Variants in PCDHB12 observed in about 807,000 individuals in gnomAD.
The protein encoded by PCDHB12 is protocadherin beta-12.
For missense variants in PCDHB12, 1,192 were observed against 998.2 expected, an observed-to-expected ratio of 1.19 and a Z score of -2.62; for synonymous variants, 560 against 445.2, an observed-to-expected ratio of 1.26 and a Z score of -3.24.
rs1754451450 is a variant in PCDHB12, at chr5:141,211,134, G to A, written c.2227G>A (p.Gly743Arg). The A allele has an allele frequency of 2.5e-6, 4 of 1,614,162 alleles. No homozygotes were observed. Among genetic ancestry groups the A allele is most frequent in the Non-Finnish European group, 3.4e-6 (4 of 1,180,040 alleles). ...PGHLVDVSGT[G>R]TLSQSYHYEV... ...ACATCTGGTGGACGTGAGTGGCACC[G>A]GGACCCTGTCCCAGAGCTACCACTA... The change falls in exon 1 of 1, where the codon GGG becomes AGG. Residue 743 changes from glycine to arginine, a missense_variant. By Grantham distance (125) the Gly-to-Arg change is moderately radical. Coordinates refer to ENST00000239450, the MANE Select transcript of PCDHB12 (RefSeq NM_018932.4).
chr5:141,210,537 G>A lies in PCDHB12; in HGVS notation c.1630G>A (p.Glu544Lys). ...CCACGGCTCCCCGGCTTTGAGCAGC[G>A]AGGCGCTGGTGCGCGTGCTGGTGCT... ...TDHGSPALSS[E>K]ALVRVLVLDA... The change falls in exon 1 of 1, where the codon GAG becomes AAG. Residue 544 changes from glutamate (E) to lysine (K), a missense_variant. Glu to Lys is a moderately conservative substitution (Grantham distance 56, BLOSUM62 1). Transcript: ENST00000239450. 1.9e-6 allele frequency: 3 copies of A among 1,611,980 alleles called. No individual in the cohort carries two copies. The highest frequency in any genetic ancestry group is 2.5e-6 in the Non-Finnish European group (3 of 1,179,782).
chr5:141,210,398 C>T lies in PCDHB12; in HGVS notation c.1491C>T (p.His497=). The change falls in exon 1 of 1, where the codon CAC becomes CAT. Residue 497 remains histidine (H), a synonymous_variant. Transcript: ENST00000239450. ...CGCTGCTGCCGTCCCAGGACCCGCA[C>T]CTGCCCCTCGCCTCCCTGGTCTCCA... ...NYSLLPSQDP[H]LPLASLVSIN... 1 of 1,613,100 alleles carries T rather than the reference C, an allele frequency of 6.2e-7. No individual in the cohort carries two copies. Among genetic ancestry groups the T allele is most frequent in the Non-Finnish European group, 8.5e-7 (1 of 1,180,028 alleles).
At position 141,209,994 on chromosome 5, in the gene PCDHB12, A is replaced by G. The variant is rs1372048120; in HGVS notation, c.1087A>G (p.Thr363Ala). The part of the protein sequence containing the change: ...TSPIPENTPE[T>A]VVMVFRIRDR... The stretch of plus-strand genomic sequence containing the variant: ...TCCAATCCCAGAAAACACTCCAGAG[A>G]CTGTGGTTATGGTTTTCAGGATACG... The change falls in exon 1 of 1, where the codon ACT becomes GCT. Residue 363 changes from threonine to alanine, a missense_variant. Physicochemically the swap from Thr to Ala is moderately conservative, Grantham distance 58. Transcript: ENST00000239450. 4 of 1,614,030 alleles carry G rather than the reference A, an allele frequency of 2.5e-6. No homozygotes were observed. Among genetic ancestry groups the G allele is most frequent in the Non-Finnish European group, 2.5e-6 (3 of 1,180,030 alleles).
Position 141,210,716 on chromosome 5 carries a change from G to C in PCDHB12, c.1809G>C (p.Ser603=). The C allele has an allele frequency of 6.2e-7, 1 of 1,608,866 alleles. No individual in the cohort carries two copies. The highest frequency in any genetic ancestry group is 8.5e-7 in the Non-Finnish European group (1 of 1,179,570). The change falls in exon 1 of 1, where the codon TCG becomes TCC. Residue 603 remains serine, a synonymous_variant. Transcript: ENST00000239450. ...ACTCGGGCCAGAACGCCTGGCTGTC[G>C]TACCAGCTGCTCAAGGCCACGGAGC... is the stretch of plus-strand genomic sequence containing the variant. ...DGDSGQNAWL[S]YQLLKATEPG... is the part of the protein sequence containing the mutation.
Position 141,210,375 on chromosome 5 carries a change from C to T in PCDHB12, c.1468C>T (p.Leu490=), listed in dbSNP as rs1554286929. Residue 490 remains leucine (L), a synonymous_variant, in exon 1 of 1, where the codon CTG becomes TTG. Transcript: ENST00000239450. ...SGTNAQVNYS[L]LPSQDPHLPL... Reference sequence around the variant, plus strand: ...CACCAACGCCCAGGTCAACTACTCGCTGCTGCCGTCCCAGGACCCGCACCT... The same window carrying T: ...CACCAACGCCCAGGTCAACTACTCGTTGCTGCCGTCCCAGGACCCGCACCT... The T allele has an allele frequency of 5.6e-6, 9 of 1,612,920 alleles. No homozygotes were observed. The highest frequency in any genetic ancestry group is 6.8e-6 in the Non-Finnish European group (8 of 1,180,040).
At position 141,210,616 on chromosome 5, in the gene PCDHB12, C is replaced by A; in HGVS notation, c.1709C>A (p.Ala570Glu). 6.2e-7 allele frequency: 1 copy of A among 1,611,328 alleles called. No homozygotes were observed. The change falls in exon 1 of 1, where the codon GCG becomes GAG. Residue 570 changes from alanine to glutamate, a missense_variant. Ala to Glu is a moderately radical substitution (Grantham distance 107). Transcript: ENST00000239450. ...FVLYPLQNGSAPCTELVPWAA... is the reference protein window; with the variant it reads ...FVLYPLQNGSEPCTELVPWAA... ...CTGTACCCGCTGCAGAACGGCTCCG[C>A]GCCCTGCACCGAGCTGGTGCCCTGG...
Position 141,209,310 on chromosome 5 carries a change from G to A in PCDHB12, c.403G>A (p.Glu135Lys). Residue 135 changes from glutamate (E) to lysine (K), a missense_variant, in exon 1 of 1, where the codon GAA becomes AAA. By Grantham distance (56) the Glu-to-Lys change is moderately conservative (BLOSUM62 1). Coordinates refer to ENST00000239450, the MANE Select transcript of PCDHB12 (RefSeq NM_018932.4). ...DINDHSPVFL[E>K]KEMLLEIPEN... is the part of the protein sequence containing the mutation. ...AAATGATCACTCTCCCGTCTTCTTG[G>A]AAAAAGAAATGCTCTTAGAAATCCC... 1 of 1,614,174 alleles carries A rather than the reference G, an allele frequency of 6.2e-7. No individual in the cohort carries two copies. The highest frequency in any genetic ancestry group is 1.6e-4 in the Middle Eastern group (1 of 6,062).
rs781916703 is a variant in PCDHB12 at position 141,210,795 on chromosome 5, C to T, written c.1888C>T (p.Leu630=). Residue 630 remains leucine (L), a synonymous_variant, in exon 1 of 1, where the codon CTG becomes TTG. Coordinates refer to ENST00000239450, the MANE Select transcript of PCDHB12 (RefSeq NM_018932.4). The stretch of plus-strand genomic sequence containing the variant: ...TGGCGAGGTGCGCACCGCCAGGCTG[C>T]TGAGCGAGCGCGACGCGGCCAAGCA... ...HNGEVRTARL[L]SERDAAKHRL... 5.0e-6 allele frequency: 8 copies of T among 1,600,000 alleles called. No individual in the cohort carries two copies. Among genetic ancestry groups the T allele is most frequent in the Non-Finnish European group, 6.8e-6 (8 of 1,178,190 alleles).
chr5:141,210,992 C>T lies in PCDHB12; in HGVS notation c.2085C>T (p.Ala695=), dbSNP rs1554287103. The T allele has an allele frequency of 1.9e-6, 3 of 1,611,708 alleles. No individual in the cohort carries two copies. The highest frequency in any genetic ancestry group is 2.5e-6 in the Non-Finnish European group (3 of 1,179,840). Residue 695 remains alanine (A), a synonymous_variant, in exon 1 of 1, where the codon GCC becomes GCT. Coordinates refer to ENST00000239450, the MANE Select transcript of PCDHB12 (RefSeq NM_018932.4). The part of the protein sequence containing the change: ...SLTVYLVVAL[A]SVSSLFLFSV... ...CTGTCTACCTGGTGGTGGCGTTGGC[C>T]TCAGTGTCGTCGCTCTTCCTCTTCT...
rs148202292 is a variant in PCDHB12 at position 141,210,997 on chromosome 5, T to C, written c.2090T>C (p.Val697Ala). The C allele has an allele frequency of 1.5e-5, 24 of 1,611,430 alleles. No individual in the cohort carries two copies. In the African/African-American group the frequency reaches 2.9e-4, roughly 20 times the overall value. ...TVYLVVALAS[V>A]SSLFLFSVLL... The stretch of plus-strand genomic sequence containing the variant: ...TACCTGGTGGTGGCGTTGGCCTCAG[T>C]GTCGTCGCTCTTCCTCTTCTCGGTG... Residue 697 changes from valine to alanine, a missense_variant, in exon 1 of 1, where the codon GTG (valine) becomes GCG (alanine). Val to Ala is a moderately conservative substitution (Grantham distance 64, BLOSUM62 0). Coordinates refer to ENST00000239450, the MANE Select transcript of PCDHB12 (RefSeq NM_018932.4).
chr5:141,209,015 G>A lies in PCDHB12; in HGVS notation c.108G>A (p.Met36Ile). 6.2e-7 allele frequency: 1 copy of A among 1,608,476 alleles called. No individual in the cohort carries two copies. The highest frequency in any genetic ancestry group is 8.5e-7 in the Non-Finnish European group (1 of 1,177,814). ...AGSETGNFLV[M>I]EELQSGSFVG... ...CTGAAACTGGGAACTTTTTGGTGAT[G>A]GAGGAATTGCAGAGCGGGAGCTTTG... The change falls in exon 1 of 1, where the codon ATG (methionine) becomes ATA (isoleucine). Residue 36 changes from methionine (M) to isoleucine (I), a missense_variant. Coordinates refer to ENST00000239450, the MANE Select transcript of PCDHB12 (RefSeq NM_018932.4).
In PCDHB12 at chr5:141,211,111, A is replaced by C. The variant is rs782092570; in HGVS notation, c.2204A>C (p.His735Pro). Residue 735 changes from histidine (H) to proline (P), a missense_variant, in exon 1 of 1, where the codon CAT becomes CCT. By Grantham distance (77) the His-to-Pro change is moderately conservative. Coordinates refer to ENST00000239450, the MANE Select transcript of PCDHB12 (RefSeq NM_018932.4). Reference protein sequence around the residue: ...CSVPEGPFPGHLVDVSGTGTL... With the variant: ...CSVPEGPFPGPLVDVSGTGTL... ...GTGCCTGAGGGCCCCTTTCCAGGAC[A>C]TCTGGTGGACGTGAGTGGCACCGGG... 1.9e-6 allele frequency: 3 copies of C among 1,614,034 alleles called. No homozygotes were observed. Among genetic ancestry groups the C allele is most frequent in the Non-Finnish European group, 2.5e-6 (3 of 1,179,998 alleles).
At position 141,209,482 on chromosome 5, in the gene PCDHB12, C is replaced by A. The variant is rs1754379549; in HGVS notation, c.575C>A (p.Pro192His). The change falls in exon 1 of 1, where the codon CCT (proline) becomes CAT (histidine). Residue 192 changes from proline (P) to histidine (H), a missense_variant. Physicochemically the swap from Pro to His is moderately conservative, Grantham distance 77 (BLOSUM62 -2). Transcript: ENST00000239450. ...GTCAATCCAGACAATAGGAAATACC[C>A]TGAGTTAGTTCTGGACAAGGCGCTG... is the stretch of plus-strand genomic sequence containing the variant. Reference protein sequence around the residue: ...IRVNPDNRKYPELVLDKALDY... With the variant: ...IRVNPDNRKYHELVLDKALDY... The A allele has an allele frequency of 8.1e-6, 13 of 1,614,174 alleles. No homozygotes were observed. The highest frequency in any genetic ancestry group is 1.1e-5 in the Non-Finnish European group (13 of 1,180,034).
At position 141,209,846 on chromosome 5, in the gene PCDHB12, G is replaced by C; in HGVS notation, c.939G>C (p.Glu313Asp). ...LTAPLDFEAIESYSIIIQATD... is the reference protein window; with the variant it reads ...LTAPLDFEAIDSYSIIIQATD... ...CACCTTTGGATTTTGAAGCAATTGA[G>C]TCATACTCAATAATCATTCAAGCCA... The change falls in exon 1 of 1, where the codon GAG (glutamate) becomes GAC (aspartate). Residue 313 changes from glutamate to aspartate, a missense_variant. By Grantham distance (45) the Glu-to-Asp change is conservative. Coordinates refer to ENST00000239450, the MANE Select transcript of PCDHB12 (RefSeq NM_018932.4). 1 of 1,614,182 alleles carries C rather than the reference G, an allele frequency of 6.2e-7. No individual in the cohort carries two copies. The highest frequency in any genetic ancestry group is 8.5e-7 in the Non-Finnish European group (1 of 1,180,044).
In PCDHB12 at chr5:141,211,582, T is replaced by C. The variant is rs574741861; in HGVS notation, c.*287T>C. 11 of 427,604 alleles carry C rather than the reference T, an allele frequency of 2.6e-5. No homozygotes were observed. Among genetic ancestry groups the C allele is most frequent in the Admixed American group, 1.3e-4 (3 of 23,342 alleles). The allele number at this position is 427,604 out of a possible 1,614,324, so 26.5% of individuals were successfully genotyped here. A position where few individuals can be genotyped will look rare whatever the true frequency, so the allele number is the denominator to read the frequency against. ...TTAAATTGCTTTCCATTGTTTTCAA[T>C]ATTTACTGTGACTTTTGTTTTCTGA... is the stretch of plus-strand genomic sequence containing the variant. On this transcript the variant is annotated 3_prime_UTR_variant, in exon 1 of 1. Transcript: ENST00000239450.
Position 141,209,681 on chromosome 5 carries a change from C to G in PCDHB12, c.774C>G (p.Gly258=). The change falls in exon 1 of 1, where the codon GGC becomes GGG. Residue 258 remains glycine (G), a synonymous_variant. Coordinates refer to ENST00000239450, the MANE Select transcript of PCDHB12 (RefSeq NM_018932.4). The part of the protein sequence containing the change: ...EVKILENSIL[G]SLVVTVSAWD... ...AGATTCTGGAGAATAGCATCCTTGG[C>G]TCCCTGGTTGTGACCGTCTCAGCCT... 1 of 1,614,212 alleles carries G rather than the reference C, an allele frequency of 6.2e-7. No individual in the cohort carries two copies. The highest frequency in any genetic ancestry group is 8.5e-7 in the Non-Finnish European group (1 of 1,180,034).
rs1194877415 is a variant in PCDHB12, at chr5:141,211,315, C to T, written c.*20C>T. The stretch of plus-strand genomic sequence containing the variant: ...TTCTGATAAAGAATGAAAAATAAAA[C>T]CTGTGTTTATGAATACATTTATAAT... On this transcript the variant is annotated 3_prime_UTR_variant, in exon 1 of 1. Transcript: ENST00000239450. 6.4e-7 allele frequency: 1 copy of T among 1,566,130 alleles called. No homozygotes were observed. The highest frequency in any genetic ancestry group is 2.2e-5 in the East Asian group (1 of 44,688).
rs782682820 is a variant in PCDHB12 at position 141,210,381 on chromosome 5, C to G, written c.1474C>G (p.Pro492Ala). The change falls in exon 1 of 1, where the codon CCG becomes GCG. Residue 492 changes from proline (P) to alanine (A), a missense_variant. Pro to Ala is a conservative substitution (Grantham distance 27). Coordinates refer to ENST00000239450, the MANE Select transcript of PCDHB12 (RefSeq NM_018932.4). ...CGCCCAGGTCAACTACTCGCTGCTG[C>G]CGTCCCAGGACCCGCACCTGCCCCT... The part of the protein sequence containing the change: ...TNAQVNYSLL[P>A]SQDPHLPLAS... 6.2e-7 allele frequency: 1 copy of G among 1,613,024 alleles called. No individual in the cohort carries two copies. Among genetic ancestry groups the G allele is most frequent in the Non-Finnish European group, 8.5e-7 (1 of 1,180,032 alleles).
In PCDHB12 at chr5:141,209,121, A is replaced by G. The variant is rs1554286595; in HGVS notation, c.214A>G (p.Lys72Glu). ...RGARVVSNDNKECLQLDTNTG... is the reference protein window; with the variant it reads ...RGARVVSNDNEECLQLDTNTG... ...GGCTCGGGTGGTTTCTAATGATAAC[A>G]AAGAGTGTTTGCAGCTGGACACAAA... Residue 72 changes from lysine (K) to glutamate (E), a missense_variant, in exon 1 of 1, where the codon AAA becomes GAA. Coordinates refer to ENST00000239450, the MANE Select transcript of PCDHB12 (RefSeq NM_018932.4). The G allele has an allele frequency of 8.7e-6, 14 of 1,614,164 alleles. No homozygotes were observed. The highest frequency in any genetic ancestry group is 1.6e-4 in the Middle Eastern group (1 of 6,062).
Sources: allele counts gnomAD v4.1 joint callset, GRCh38; gene constraint gnomAD v4.1.1; transcripts MANE v1.5; gene names NCBI Gene and HGNC (gene_info 2026-07-23, HGNC 2026-07-21).